The following EMC3 variants were observed in gnomAD, a reference collection of about 807,000 sequenced individuals.
EMC3 encodes the protein 30 kDa protein.
Under a neutral mutation model 36.6 loss-of-function variants are expected in EMC3, and 13 were observed. The observed-to-expected ratio is 0.35, with a 90% confidence interval of 0.23 to 0.56. The LOEUF is 0.56. EMC3 is among the 20% of genes least tolerant of loss of function. EMC3 has a pLI of 0.84. For synonymous variants in EMC3, 120 were observed against 111.9 expected, an observed-to-expected ratio of 1.07 and a Z score of -0.46; for missense variants, 220 against 324.5, an observed-to-expected ratio of 0.68 and a Z score of 2.47.
intron 1 of EMC3, among the ~76,000 whole-genome samples, chr3:9,997,779 A>G (rs1256038987): frequency 6.6e-6 from 1 of 152,022 alleles, no homozygotes; most frequent in Admixed American, 6.6e-5. Flanking sequence ...TGTTTATACC[A>G]CATTTTTTTT....
chr3:9,972,788 T>C (rs2085800761), intron 5 of EMC3, among the ~76,000 whole-genome samples: 1 of 151,218 alleles, frequency 6.6e-6, no homozygotes, highest in East Asian at 2.0e-4. Flanking sequence ...CAAAAAACTT[T>C]AAAAACTGAT....
chr3:9,991,203 C>G (rs2086047833), upstream of EMC3, among the ~76,000 whole-genome samples: 1 of 152,078 alleles, frequency 6.6e-6, no homozygotes, highest in African/African-American at 2.4e-5. Flanking sequence ...TTCAAGTGAT[C>G]CTCCTGCTTG....
At chr3:9,979,917 C>T (rs12715665) in intron 1 of EMC3, among the ~76,000 whole-genome samples, 37,750 of 151,758 alleles carry the variant, frequency 0.25, 5,900 homozygotes, top group African/African-American at 0.44. Context: ...GAAAAGGCCA[C>T]ATGACTGGAA....
At chr3:9,964,320 C>T in intron 7 of EMC3, 123 bp from the exon 8 acceptor site, 1 of 1,433,036 alleles carries the variant, frequency 7.0e-7, no homozygotes, top group African/African-American at 1.4e-5. Flanking sequence ...TGTATAAGCT[C>T]ATTCAATCCT....
At chr3:10,003,875 C>G (rs186855057) in intron 1 of EMC3, 1 of 155,674 alleles carries the variant, frequency 6.4e-6, no homozygotes, top group Non-Finnish European at 1.4e-5. Context: ...AGTGCCATAG[C>G]AAATTGCGCA....
chr3:9,991,128 A>G (rs1304759881), upstream of EMC3, among the ~76,000 whole-genome samples: 6 of 151,714 alleles, frequency 4.0e-5, no homozygotes, highest in Non-Finnish European at 7.4e-5. Flanking sequence ...GCGCCCGGCC[A>G]TTCTTTTATT....
At chr3:9,978,607 G>A (rs1326390750) in intron 1 of EMC3, among the ~76,000 whole-genome samples, 5 of 152,012 alleles carry the variant, frequency 3.3e-5, no homozygotes, top group African/African-American at 7.2e-5. Flanking sequence ...CGAGGTGGGC[G>A]GATCACGAGG....
intron 1 of EMC3, among the ~76,000 whole-genome samples, chr3:9,980,040 A>T (rs189145246): frequency 2.4e-4 from 36 of 148,190 alleles, no homozygotes; most frequent in African/African-American, 9.2e-4. Flanking sequence ...TTGAGATGGA[A>T]TCTCACTCTG....
At chr3:9,990,377 G>A (rs868787496), upstream of EMC3, among the ~76,000 whole-genome samples, 3 of 125,636 alleles carry the variant, frequency 2.4e-5, no homozygotes, top group Admixed American at 9.2e-5. Flanking sequence ...CTCTGTCACC[G>A]AAGGTGGAGT....
chr3:9,987,569 C>T (rs1456574829), upstream of EMC3, among the ~76,000 whole-genome samples: 1 of 152,206 alleles, frequency 6.6e-6, no homozygotes, highest in East Asian at 1.9e-4. Flanking sequence ...AGGCGGGTGT[C>T]TGGAAGCCGA....
chr3:9,986,454 T>C (rs1024500217), intron 1 of EMC3, 53 bp downstream of exon 1: 3 of 1,599,922 alleles, frequency 1.9e-6, no homozygotes, highest in East Asian at 2.2e-5. Flanking sequence ...CCTGCACTTT[T>C]TTGCCCAAGG....
chr3:9,988,487 T>G, upstream of EMC3: 1 of 1,244,216 alleles, frequency 8.0e-7, no homozygotes, highest in African/African-American at 1.5e-5. Context: ...GGTGGGATCT[T>G]TGGAACTTTG....
chr3:9,980,921 G>A (rs1186937435), intron 1 of EMC3, among the ~76,000 whole-genome samples: 9 of 152,318 alleles, frequency 5.9e-5, no homozygotes, highest in South Asian at 2.1e-4. Context: ...ACAGCCAGGC[G>A]TGGTGGCTCT....
At chr3:9,966,829 C>G (rs1343222365) in intron 7 of EMC3, among the ~76,000 whole-genome samples, 3 of 152,184 alleles carry the variant, frequency 2.0e-5, no homozygotes, top group Admixed American at 2.0e-4. Flanking sequence ...CCTGTCTCAG[C>G]CTCCCAAAGT....
intron 1 of EMC3, among the ~76,000 whole-genome samples, chr3:10,008,137 TCA>T (rs1282542283): frequency 6.6e-6 from 1 of 152,188 alleles, no homozygotes; most frequent in Non-Finnish European, 1.5e-5. Flanking sequence ...CAAGGGCCCA[TCA>T]GAGTCTGTCC....
chr3:9,981,888 C>T (rs534965924), intron 1 of EMC3: 2 of 307,628 alleles, frequency 6.5e-6, no homozygotes, highest in Non-Finnish European at 1.3e-5. Flanking sequence ...TATCCCCAAA[C>T]CTAGTCTAAT....
At chr3:9,995,213 G>A (rs2086108568) in intron 1 of EMC3, among the ~76,000 whole-genome samples, 1 of 151,766 alleles carries the variant, frequency 6.6e-6, no homozygotes, top group Non-Finnish European at 1.5e-5. Context: ...ATGTTTGCTT[G>A]GAAACATGCA....
chr3:9,974,294 C>T (rs2085821153), intron 4 of EMC3, 90 bp downstream of exon 4: 2 of 893,222 alleles, frequency 2.2e-6, no homozygotes, highest in East Asian at 2.5e-5. Context: ...TATCAGTTTA[C>T]AAAAGAAAAC....
At chr3:10,006,267 C>G (rs1043260799) in intron 1 of EMC3, among the ~76,000 whole-genome samples, 3 of 152,200 alleles carry the variant, frequency 2.0e-5, no homozygotes, top group African/African-American at 7.2e-5. Context: ...CTGGGGCTGC[C>G]GCAGGGTTGC....
Sources: allele counts gnomAD v4.1 joint callset (sites outside exome capture counted in the v4.1 genomes callset), GRCh38; gene constraint gnomAD v4.1.1; transcripts MANE v1.5; gene names NCBI Gene and HGNC (gene_info 2026-07-23, HGNC 2026-07-21).